The following WASF3 variants were observed in gnomAD, a reference collection of about 807,000 sequenced individuals.
WASF3 encodes the protein actin-binding protein WASF3.
In WASF3, 11 loss-of-function variants were observed where a neutral mutation model predicts 46.6. The ratio of observed to expected loss-of-function variants is 0.24; its 90% CI spans 0.15 to 0.39. WASF3 has a LOEUF of 0.39. Among genes scored for constraint, WASF3 ranks in the 10% least tolerant of loss-of-function variants. WASF3 has a pLI of 1.00. For missense variants in WASF3, 576 were observed against 669.8 expected (o/e 0.86, Z 1.55); for synonymous variants, 242 against 259.7 (o/e 0.93, Z 0.65).
intron 6 of WASF3, 142 bp from the exon 7 acceptor site, chr13:26,676,407 T>A (rs1289663142): frequency 1.2e-6 from 1 of 853,954 alleles, no homozygotes; most frequent in Non-Finnish European, 1.7e-6. Context: ...CTTTAGAGTT[T>A]CTGTAACATT....
intron 1 of WASF3, among the ~76,000 whole-genome samples, chr13:26,591,025 AC>A (rs35018518): frequency 0.018 from 2,694 of 152,058 alleles, 39 homozygotes; most frequent in Non-Finnish European, 0.029. Flanking sequence ...GGACTGAGCC[AC>A]GCAGGTGTAG....
At chr13:26,564,783 A>G (rs1248656636) in intron 1 of WASF3, among the ~76,000 whole-genome samples, 3 of 152,102 alleles carry the variant, frequency 2.0e-5, no homozygotes, top group Non-Finnish European at 4.4e-5. Context: ...TCATGGTTAT[A>G]TAATAAGCAG....
chr13:26,567,698 TAAAA>T (rs60469078), intron 1 of WASF3, among the ~76,000 whole-genome samples: 2 of 145,410 alleles, frequency 1.4e-5, no homozygotes. Context: ...TAAACGACAT[TAAAA>T]AAAAAATATA....
At chr13:26,610,460 G>A (rs552367628) in intron 1 of WASF3, among the ~76,000 whole-genome samples, 2 of 152,294 alleles carry the variant, frequency 1.3e-5, no homozygotes, top group East Asian at 3.9e-4. Flanking sequence ...GTTTTACCAG[G>A]GGGAGGGGCA....
intron 3 of WASF3, among the ~76,000 whole-genome samples, chr13:26,653,522 A>G (rs561665631): frequency 7.0e-4 from 106 of 152,328 alleles, no homozygotes; most frequent in Admixed American, 3.1e-3. Flanking sequence ...TCCAGTGGCC[A>G]GGATCAGCCT....
At chr13:26,593,181 T>C (rs2137187061) in intron 1 of WASF3, among the ~76,000 whole-genome samples, 1 of 152,240 alleles carries the variant, frequency 6.6e-6, no homozygotes, top group African/African-American at 2.4e-5. Context: ...CATCTTAGCT[T>C]GTTTATGGAA....
intron 1 of WASF3, among the ~76,000 whole-genome samples, chr13:26,589,632 A>G (rs1164211188): frequency 1.3e-5 from 2 of 152,190 alleles, no homozygotes; most frequent in Non-Finnish European, 2.9e-5. Context: ...TTTTGACTAT[A>G]TCTAGTATTT....
rs1056226187 is a variant in WASF3, at chr13:26,679,973, A to T, written c.717-1081A>T. On this transcript the variant is annotated intron_variant, in intron 7 of 9. Coordinates refer to ENST00000335327, the MANE Select transcript of WASF3 (RefSeq NM_006646.6). This position sits in a 1 kb window ranked among gnomAD's most constrained non-coding sequence, Gnocchi z 4.8. ...ACCAACTGGAATCCCAAAGATGGAAATGCAGCGTGCATCTTCCCTGCTCCC... is the reference window on the plus strand; with the variant it reads ...ACCAACTGGAATCCCAAAGATGGAATTGCAGCGTGCATCTTCCCTGCTCCC... 3.9e-6 allele frequency: 6 copies of T among 1,547,260 alleles called. No individual in the cohort carries two copies. The highest frequency in any genetic ancestry group is 1.7e-6 in the Non-Finnish European group (2 of 1,152,598).
intron 1 of WASF3, among the ~76,000 whole-genome samples, chr13:26,560,860 T>TA (rs1879273133): frequency 6.6e-6 from 1 of 152,190 alleles, no homozygotes; most frequent in African/African-American, 2.4e-5. Flanking sequence ...TATTGTTTGA[T>TA]ATGGGATCTG....
intron 5 of WASF3, among the ~76,000 whole-genome samples, chr13:26,668,221 A>G (rs1009003495): frequency 1.3e-5 from 2 of 152,214 alleles, no homozygotes; most frequent in Non-Finnish European, 2.9e-5. Flanking sequence ...TGGAAAATAA[A>G]TAGTGCAAAA....
chr13:26,547,856 A>G, the WASF3 span, among the ~76,000 whole-genome samples: 1 of 152,204 alleles, frequency 6.6e-6, no homozygotes, highest in African/African-American at 2.4e-5. Context: ...AGAAAATATC[A>G]AACAGAAACC....
At position 26,688,683 on chromosome 13, in the gene WASF3, T is replaced by C. The variant is rs1883485113; in HGVS notation, c.*2838T>C. 1 of 152,272 alleles carries C rather than the reference T, an allele frequency of 6.6e-6. No individual in the cohort carries two copies. The highest frequency in any genetic ancestry group is 1.5e-5 in the Non-Finnish European group (1 of 68,050). 9.4% of individuals were successfully genotyped at this position (152,272 alleles called of 1,614,324 possible). A position where few individuals can be genotyped will look rare whatever the true frequency, so the allele number is the denominator to read the frequency against. On this transcript the variant is annotated 3_prime_UTR_variant, in exon 10 of 10. Transcript: ENST00000335327. ...TAGGTTGTAAAAGTTTTATAATAAT[T>C]TGCAATTAAAATACATGATACATAT...
chr13:26,624,259 C>T (rs781593126), intron 2 of WASF3, among the ~76,000 whole-genome samples: 3 of 152,018 alleles, frequency 2.0e-5, no homozygotes, highest in Non-Finnish European at 2.9e-5. Context: ...AATAAGGAAA[C>T]AAGTTTTTAA....
chr13:26,584,622 T>G (rs1326955743), intron 1 of WASF3, among the ~76,000 whole-genome samples: 1 of 152,216 alleles, frequency 6.6e-6, no homozygotes, highest in Non-Finnish European at 1.5e-5. Flanking sequence ...AGGTAAAAGA[T>G]GATTTGTCTT....
At chr13:26,683,824 C>G (rs897101001) in intron 9 of WASF3, among the ~76,000 whole-genome samples, 1 of 152,178 alleles carries the variant, frequency 6.6e-6, no homozygotes, top group Non-Finnish European at 1.5e-5. Flanking sequence ...AGTCTGCCCT[C>G]GCCTGTCTTG....
chr13:26,572,674 T>C (rs1345792737), intron 1 of WASF3, among the ~76,000 whole-genome samples: 2 of 152,160 alleles, frequency 1.3e-5, no homozygotes, highest in Non-Finnish European at 1.5e-5. Flanking sequence ...CAAGCGATTC[T>C]GCCGAGTAGC....
At position 26,564,487 on chromosome 13, in the gene WASF3, TA is replaced by T. The variant is rs1454634265; in HGVS notation, c.-109+6672del. ...GCAGTTGAAAGCTGAATTGAATTTT[TA>T]AAAGTTCCTCTAGTGCATGCTGAAG... On this transcript the variant is annotated intron_variant, in intron 1 of 9. Transcript: ENST00000335327. 3.9e-5 allele frequency among the ~76,000 whole-genome samples: 6 copies of T among 152,244 alleles called. No homozygotes were observed. The East Asian group carries it at 1.2e-3, about 29-fold the overall frequency.
chr13:26,633,360 G>A (rs1300393338), intron 2 of WASF3, among the ~76,000 whole-genome samples: 2 of 151,778 alleles, frequency 1.3e-5, no homozygotes, highest in Admixed American at 6.6e-5. Context: ...GTGCCACCAC[G>A]TCCGGCTAAT....
At position 26,577,330 on chromosome 13, in the gene WASF3, G is replaced by A. The variant is rs934750521; in HGVS notation, c.-109+19511G>A. ...TTTCCTAAAAACAATGTAACAATCC[G>A]ATATGGAAAACCTTTTATGCTCAGC... is the stretch of plus-strand genomic sequence containing the variant. On this transcript the variant is annotated intron_variant, in intron 1 of 9. Coordinates refer to ENST00000335327, the MANE Select transcript of WASF3 (RefSeq NM_006646.6). 59 of 757,492 alleles carry A rather than the reference G, an allele frequency of 7.8e-5. No individual in the cohort carries two copies. In the East Asian group the frequency reaches 1.3e-3, roughly 16 times the overall value. 46.9% of individuals were successfully genotyped at this position (757,492 alleles called of 1,614,324 possible).
Sources: allele counts gnomAD v4.1 joint callset (sites outside exome capture counted in the v4.1 genomes callset), GRCh38; gene constraint gnomAD v4.1.1; non-coding constraint Gnocchi (gnomAD v3.1); transcripts MANE v1.5; gene names NCBI Gene and HGNC (gene_info 2026-07-23, HGNC 2026-07-21).